CDIP1: variants seen among roughly 807,000 people sequenced by gnomAD.
The protein encoded by CDIP1 is cell death-inducing p53-target protein 1.
In CDIP1, 9 loss-of-function variants were observed where a neutral mutation model predicts 17.7. The observed-to-expected ratio is 0.51, with a 90% confidence interval of 0.31 to 0.89. The LOEUF (loss-of-function observed/expected upper bound fraction) is 0.89, where lower values mean the gene tolerates loss of function less well. Ranked by LOEUF, CDIP1 falls within the 40% of genes least tolerant of loss-of-function variation. CDIP1 has a pLI of 0.05. For synonymous variants in CDIP1, 117 were observed against 109.5 expected, an observed-to-expected ratio of 1.07 and a Z score of -0.43; for missense variants, 263 against 277.9, an observed-to-expected ratio of 0.95 and a Z score of 0.38.
chr16:4,537,696 GGGT>G (rs2059123258), intron 1 of CDIP1, among the ~76,000 whole-genome samples: 1 of 152,234 alleles, frequency 6.6e-6, no homozygotes, highest in Non-Finnish European at 1.5e-5. Context: ...CCAACACCTG[GGGT>G]GGGCCCCAGG....
intron 1 of CDIP1, chr16:4,522,477 G>A (rs1278633760): frequency 6.6e-6 from 1 of 152,264 alleles, no homozygotes; most frequent in Non-Finnish European, 1.5e-5. Context: ...TCTGTCCCCA[G>A]GAGGCAGGTC....
chr16:4,525,110 C>T (rs2058986823), intron 1 of CDIP1, among the ~76,000 whole-genome samples: 1 of 152,062 alleles, frequency 6.6e-6, no homozygotes, highest in Non-Finnish European at 1.5e-5. Context: ...CCCTCCACCA[C>T]AAAAATATAT....
At chr16:4,537,444 A>G (rs1029059867) in intron 1 of CDIP1, among the ~76,000 whole-genome samples, 2 of 152,192 alleles carry the variant, frequency 1.3e-5, no homozygotes, top group Admixed American at 1.3e-4. Context: ...AGTTCTACCT[A>G]GATCGGCCCC....
intron 1 of CDIP1, among the ~76,000 whole-genome samples, chr16:4,535,252 C>G (rs112416657): frequency 8.3e-4 from 126 of 152,298 alleles, no homozygotes; most frequent in African/African-American, 2.9e-3. Context: ...TCAGTGTTTA[C>G]TGAACCCCCA....
chr16:4,531,823 A>G (rs964278075), intron 1 of CDIP1, among the ~76,000 whole-genome samples: 1 of 152,238 alleles, frequency 6.6e-6, no homozygotes, highest in Non-Finnish European at 1.5e-5. Flanking sequence ...AGTGCTTCAC[A>G]CAGTGTAGCT....
chr16:4,530,867 G>GT (rs1385889827), intron 1 of CDIP1, among the ~76,000 whole-genome samples: 6 of 152,054 alleles, frequency 3.9e-5, no homozygotes, highest in African/African-American at 1.4e-4. Context: ...GTATATAGAA[G>GT]TTTATTAGGT....
intron 1 of CDIP1, among the ~76,000 whole-genome samples, chr16:4,518,638 T>A (rs1436733410): frequency 6.6e-6 from 1 of 152,170 alleles, no homozygotes; most frequent in Non-Finnish European, 1.5e-5. Context: ...AAGGAGAGGA[T>A]CTGGAAAACA....
At position 4,518,393 on chromosome 16, in the gene CDIP1, G is replaced by A. The variant is rs554614170; in HGVS notation, c.-104-3729C>T. Among the ~76,000 whole-genome samples, 6 of 152,338 alleles carry A rather than the reference G, an allele frequency of 3.9e-5. No individual in the cohort carries two copies. The South Asian group carries it at 1.0e-3, about 26-fold the overall frequency. On this transcript the variant is annotated intron_variant, in intron 1 of 5. Coordinates refer to ENST00000567695, the MANE Select transcript of CDIP1 (RefSeq NM_013399.3). The stretch of plus-strand genomic sequence containing the variant: ...GGGTACAGAAAATGCAGGCCACAGG[G>A]AAGGGTCTGGACCTGCACAGGGCTG...
intron 1 of CDIP1, among the ~76,000 whole-genome samples, chr16:4,533,929 G>A (rs1359133240): frequency 6.6e-6 from 1 of 152,206 alleles, no homozygotes; most frequent in African/African-American, 2.4e-5. Flanking sequence ...GTTTGGGGTT[G>A]ACCTAAGTGG....
At chr16:4,517,097 T>C (rs752334752) in intron 1 of CDIP1, among the ~76,000 whole-genome samples, 11 of 152,214 alleles carry the variant, frequency 7.2e-5, no homozygotes, top group Non-Finnish European at 1.6e-4. Context: ...CCACCGCTCT[T>C]TCCCTTTTGT....
chr16:4,516,999 A>G (rs561927078), intron 1 of CDIP1, among the ~76,000 whole-genome samples: 2 of 152,232 alleles, frequency 1.3e-5, no homozygotes, highest in South Asian at 4.1e-4. Flanking sequence ...AATATTCCAC[A>G]AAATGGGCAT....
At chr16:4,523,199 G>A (rs2058968620) in intron 1 of CDIP1, among the ~76,000 whole-genome samples, 1 of 152,196 alleles carries the variant, frequency 6.6e-6, no homozygotes, top group African/African-American at 2.4e-5. Context: ...CATCCTCCGT[G>A]CCAGATACAG....
At chr16:4,537,033 G>A (rs1052518327) in intron 1 of CDIP1, among the ~76,000 whole-genome samples, 7 of 152,144 alleles carry the variant, frequency 4.6e-5, no homozygotes, top group African/African-American at 1.7e-4. Context: ...TCAAGGGTGA[G>A]AGACGGATTT....
chr16:4,525,939 T>G (rs2058995443), intron 1 of CDIP1, among the ~76,000 whole-genome samples: 1 of 152,210 alleles, frequency 6.6e-6, no homozygotes, highest in South Asian at 2.1e-4. Flanking sequence ...TTATTTATTT[T>G]TACACTTGAA....
In CDIP1 at chr16:4,514,101, A is replaced by G. The variant is rs948381077; in HGVS notation, c.30T>C (p.Pro10=). The G allele has an allele frequency of 5.8e-6, 9 of 1,544,358 alleles. No homozygotes were observed. In the African/African-American group the frequency reaches 7.2e-5, roughly 12 times the overall value. Residue 10 remains proline (P), a synonymous_variant, in exon 3 of 6, where the codon CCT becomes CCC. Transcript: ENST00000567695. This position sits in a 1 kb window ranked among gnomAD's most constrained non-coding sequence, Gnocchi z 5.2. MSSEPPPPY[P]GGPTAPLLEE... is the part of the protein sequence containing the mutation. The stretch of plus-strand genomic sequence containing the variant: ...CCAGAAGTGGGGCTGTGGGGCCCCC[A>G]GGATAAGGAGGGGGAGGCTCGCTGG...
chr16:4,531,321 C>T (rs2141657875), intron 1 of CDIP1, among the ~76,000 whole-genome samples: 1 of 152,104 alleles, frequency 6.6e-6, no homozygotes, highest in African/African-American at 2.4e-5. Flanking sequence ...AGGCACTGTG[C>T]CCGGCCTTTT....
intron 1 of CDIP1, among the ~76,000 whole-genome samples, chr16:4,521,902 C>T (rs1347537607): frequency 6.6e-6 from 1 of 152,102 alleles, no homozygotes; most frequent in Non-Finnish European, 1.5e-5. Context: ...GCAGCAGAAA[C>T]GCTGGGCCTA....
intron 1 of CDIP1, chr16:4,536,865 G>A (rs565022963): frequency 1.3e-5 from 2 of 152,014 alleles, no homozygotes; most frequent in African/African-American, 4.8e-5. Context: ...AGGAGTTCAA[G>A]GCTGCAGTGA....
intron 1 of CDIP1, among the ~76,000 whole-genome samples, chr16:4,526,713 T>C (rs1441808434): frequency 6.8e-6 from 1 of 146,732 alleles, no homozygotes; most frequent in Non-Finnish European, 1.5e-5. Flanking sequence ...AAAAAAAAGA[T>C]AAATAAAAAT....
Sources: allele counts gnomAD v4.1 joint callset (sites outside exome capture counted in the v4.1 genomes callset), GRCh38; gene constraint gnomAD v4.1.1; non-coding constraint Gnocchi (gnomAD v3.1); transcripts MANE v1.5; gene names NCBI Gene and HGNC (gene_info 2026-07-23, HGNC 2026-07-21).